AGBL4: variants seen among roughly 807,000 people sequenced by gnomAD.
AGBL4 encodes cytosolic carboxypeptidase 6.
Under a neutral mutation model 66.4 loss-of-function variants are expected in AGBL4, and 58 were observed. The observed-to-expected ratio is 0.87, with a 90% CI of 0.71 to 1.09. AGBL4 has a LOEUF of 1.09. AGBL4 is among the 50% of genes least tolerant of loss of function. The probability of loss-of-function intolerance (pLI) is 0.00; values close to 1 mark genes in which losing one functional copy is unlikely to be tolerated. For missense variants in AGBL4, 579 were observed against 631.0 expected (o/e 0.92, Z 0.88); for synonymous variants, 234 against 222.9 (o/e 1.05, Z -0.44).
At chr1:49,162,455 G>T (rs922650522) in intron 4 of AGBL4, among the ~76,000 whole-genome samples, 1 of 152,130 alleles carries the variant, frequency 6.6e-6, no homozygotes, top group Non-Finnish European at 1.5e-5. Context: ...ATGAACAAAT[G>T]AATAAATGTG....
intron 11 of AGBL4, among the ~76,000 whole-genome samples, chr1:48,569,066 T>C (rs191714717): frequency 6.6e-6 from 1 of 152,312 alleles, no homozygotes; most frequent in Admixed American, 6.5e-5. Context: ...CACCAGCCTC[T>C]TTACCTGGAC....
At chr1:49,772,049 T>C (rs185030718) in intron 2 of AGBL4, among the ~76,000 whole-genome samples, 1 of 152,230 alleles carries the variant, frequency 6.6e-6, no homozygotes, top group Admixed American at 6.5e-5. Context: ...AGATCCCTTC[T>C]TCCTTTCTTC....
At chr1:49,399,795 G>A (rs552716390) in intron 3 of AGBL4, among the ~76,000 whole-genome samples, 1 of 151,902 alleles carries the variant, frequency 6.6e-6, no homozygotes, top group Non-Finnish European at 1.5e-5. Context: ...CATTATCTGG[G>A]TTGTCTCTTC....
At chr1:48,981,143 C>T (rs1659734112) in intron 5 of AGBL4, among the ~76,000 whole-genome samples, 1 of 152,106 alleles carries the variant, frequency 6.6e-6, no homozygotes, top group Admixed American at 6.5e-5. Flanking sequence ...ATAGACATAG[C>T]AACACAAGAA....
At chr1:49,764,269 T>C (rs1448895379) in intron 2 of AGBL4, among the ~76,000 whole-genome samples, 2 of 152,060 alleles carry the variant, frequency 1.3e-5, no homozygotes, top group African/African-American at 4.8e-5. Context: ...GCATGCCATG[T>C]ACCCCACAGC....
At chr1:49,182,400 A>G (rs1317714358) in intron 4 of AGBL4, among the ~76,000 whole-genome samples, 1 of 152,186 alleles carries the variant, frequency 6.6e-6, no homozygotes, top group Non-Finnish European at 1.5e-5. Context: ...ACCTTGAATC[A>G]ATCTTTAACG....
chr1:49,075,196 GAAATGCATATAATACAAATGT>G (rs1644687268), intron 4 of AGBL4, among the ~76,000 whole-genome samples: 1 of 152,048 alleles, frequency 6.6e-6, no homozygotes, highest in Admixed American at 6.6e-5. Flanking sequence ...GTGACTCACA[GAAATGCATATAATACAAATGT>G]AAATAAGTAA....
At chr1:49,180,877 C>T (rs2148185870) in intron 4 of AGBL4, among the ~76,000 whole-genome samples, 1 of 152,230 alleles carries the variant, frequency 6.6e-6, no homozygotes, top group East Asian at 1.9e-4. Context: ...CTGGGGAAAT[C>T]AAAACAACAA....
chr1:48,889,803 C>T (rs3127558), intron 5 of AGBL4, among the ~76,000 whole-genome samples: 130,806 of 152,160 alleles, frequency 0.86, 57,499 homozygotes, highest in Non-Finnish European at 0.96. Context: ...TCCCCTATAG[C>T]AGGCAACTGT....
chr1:49,281,772 G>C (rs1208570044), intron 3 of AGBL4, among the ~76,000 whole-genome samples: 1 of 152,194 alleles, frequency 6.6e-6, no homozygotes, highest in African/African-American at 2.4e-5. Flanking sequence ...GAAATCTTCT[G>C]CGCTGCTGAA....
In AGBL4 at chr1:49,690,674, C is replaced by T. The variant is rs80062929; in HGVS notation, c.282+6639G>A. Among the ~76,000 whole-genome samples, 310 of 152,034 alleles carry T rather than the reference C, an allele frequency of 2.0e-3. 8 individuals are homozygous for T. In the East Asian group the frequency reaches 0.054, roughly 27 times the overall value. ...CACTACTTATGACATTGAAGTGTTC[C>T]GTAAATTTTAGCTATTAATGTAATA... On this transcript the variant is annotated intron_variant, in intron 3 of 13. Coordinates refer to ENST00000371839, the MANE Select transcript of AGBL4 (RefSeq NM_032785.4).
intron 4 of AGBL4, among the ~76,000 whole-genome samples, chr1:49,048,885 A>G (rs1028037476): frequency 1.3e-5 from 2 of 152,020 alleles, no homozygotes; most frequent in African/African-American, 4.8e-5. Context: ...GTGGCTCAAA[A>G]GCCTGTATTC....
At chr1:49,540,378 C>G (rs986973858) in intron 3 of AGBL4, among the ~76,000 whole-genome samples, 7 of 152,198 alleles carry the variant, frequency 4.6e-5, no homozygotes, top group African/African-American at 1.7e-4. Flanking sequence ...AATGCCAACT[C>G]CTCTGTGAGG....
chr1:49,699,505 C>T (rs941144516), intron 2 of AGBL4, among the ~76,000 whole-genome samples: 5 of 151,912 alleles, frequency 3.3e-5, no homozygotes, highest in African/African-American at 1.2e-4. Context: ...ACAAATATAA[C>T]ACAGAACATA....
intron 1 of AGBL4, among the ~76,000 whole-genome samples, chr1:49,945,164 T>C (rs1187904068): frequency 6.6e-6 from 1 of 151,948 alleles, no homozygotes; most frequent in Non-Finnish European, 1.5e-5. Context: ...GAGGAAAACT[T>C]CCCCCAGCCT....
At chr1:48,689,374 C>T (rs1570260153) in intron 6 of AGBL4, among the ~76,000 whole-genome samples, 1 of 150,216 alleles carries the variant, frequency 6.7e-6, no homozygotes, top group Admixed American at 6.6e-5. Context: ...GGATGACGGT[C>T]ACCTACCTAC....
At chr1:48,847,717 T>C (rs1022184842) in intron 6 of AGBL4, among the ~76,000 whole-genome samples, 3 of 152,214 alleles carry the variant, frequency 2.0e-5, no homozygotes, top group African/African-American at 7.2e-5. Flanking sequence ...TATCTCTTTA[T>C]ATCTAGTTCT....
In AGBL4 at chr1:49,566,557, G is replaced by A. The variant is rs545582423; in HGVS notation, c.282+130756C>T. Among the ~76,000 whole-genome samples, 74 of 152,292 alleles carry A rather than the reference G, an allele frequency of 4.9e-4. 1 individual carries two copies. Among genetic ancestry groups the A allele is most frequent in the African/African-American group, 1.6e-3 (66 of 41,544 alleles). On this transcript the variant is annotated intron_variant, in intron 3 of 13. Coordinates refer to ENST00000371839, the MANE Select transcript of AGBL4 (RefSeq NM_032785.4). ...TGCAGGTCTGTTGGAGTTTACTGGA[G>A]GTCCACTCCAGACCCTGTTTGCCTG...
chr1:49,827,375 A>T (rs1645538378), intron 2 of AGBL4, among the ~76,000 whole-genome samples: 1 of 152,158 alleles, frequency 6.6e-6, no homozygotes, highest in Admixed American at 6.5e-5. Context: ...ATGACTAGAA[A>T]GCTATTAGAA....
Sources: gnomAD v4.1 joint callset for allele counts (sites outside exome capture counted in the v4.1 genomes callset) on GRCh38, gnomAD v4.1.1 for gene constraint, MANE v1.5 for transcripts, NCBI Gene and HGNC (gene_info 2026-07-23, HGNC 2026-07-21) for gene names.